The following ADCY1 variants were observed in gnomAD, a reference collection of about 807,000 sequenced individuals.
ADCY1 encodes adenylate cyclase type 1.
Under a neutral mutation model 105.4 loss-of-function variants are expected in ADCY1, and 28 were observed. The observed-to-expected ratio is 0.27, with a 90% CI of 0.20 to 0.36. The LOEUF is 0.36. ADCY1 is among the 10% of genes least tolerant of loss of function. The probability of loss-of-function intolerance (pLI) is 1.00; values close to 1 mark genes in which losing one functional copy is unlikely to be tolerated. For synonymous variants in ADCY1, 655 were observed against 623.8 expected, an observed-to-expected ratio of 1.05 and a Z score of -0.75; for missense variants, 977 against 1,434.2, an observed-to-expected ratio of 0.68 and a Z score of 5.15.
In ADCY1 at chr7:45,703,259, G is replaced by T. The variant is rs1785036375; in HGVS notation, c.2455-117G>T. The T allele has an allele frequency of 5.5e-6, 5 of 905,666 alleles. No homozygotes were observed. Among genetic ancestry groups the T allele is most frequent in the Non-Finnish European group, 9.1e-6 (5 of 547,972 alleles). 56.1% of individuals were successfully genotyped at this position (905,666 alleles called of 1,614,324 possible). ...AGTGGGGAGGAGGGACAGGAGCGTGGATGTAGACCATCAGCACACCTGGAG... is the reference window on the plus strand; with the variant it reads ...AGTGGGGAGGAGGGACAGGAGCGTGTATGTAGACCATCAGCACACCTGGAG... On this transcript the variant is annotated intron_variant, in intron 14 of 19. Transcript: ENST00000297323. This position sits in a 1 kb window ranked among gnomAD's most constrained non-coding sequence, Gnocchi z 5.9.
At chr7:45,585,439 C>CTTT (rs56193100) in intron 1 of ADCY1, among the ~76,000 whole-genome samples, 5 of 121,110 alleles carry the variant, frequency 4.1e-5, no homozygotes, top group Non-Finnish European at 6.8e-5. Context: ...GTGGGTACAT[C>CTTT]TTTTTTTTTT....
Position 45,719,938 on chromosome 7 carries a change from C to T in ADCY1, c.*5943C>T, listed in dbSNP as rs1785437681. The T allele has an allele frequency of 6.6e-6, 1 of 152,048 alleles. No homozygotes were observed. The allele number at this position is 152,048 out of a possible 1,614,324, so 9.4% of individuals were successfully genotyped here. On this transcript the variant is annotated 3_prime_UTR_variant, in exon 20 of 20. Transcript: ENST00000297323. Reference sequence around the variant, plus strand: ...GCACTGAAGTCCAGGGGCATTGAGGCACTAACTAGGTTCCATTTTCTTTGG... The same window carrying T: ...GCACTGAAGTCCAGGGGCATTGAGGTACTAACTAGGTTCCATTTTCTTTGG...
chr7:45,621,563 A>G (rs1793888230), intron 3 of ADCY1, among the ~76,000 whole-genome samples: 1 of 152,238 alleles, frequency 6.6e-6, no homozygotes, highest in African/African-American at 2.4e-5. Flanking sequence ...TTCCCATTTT[A>G]CATGGCGGAC....
chr7:45,575,047 G>C lies in ADCY1; in HGVS notation c.504G>C (p.Leu168Phe). ...AACAAGGGGTTTGGCAGCTCCTTTT[G>C]GTCACCTTCGTGTCCTATGCCTTGC... The part of the protein sequence containing the change: ...TAEQGVWQLL[L>F]VTFVSYALLP... Residue 168 changes from leucine (L) to phenylalanine (F), a missense_variant, in exon 1 of 20, where the codon TTG (leucine) becomes TTC (phenylalanine). Coordinates refer to ENST00000297323, the MANE Select transcript of ADCY1 (RefSeq NM_021116.4). The surrounding 1 kb of genome is among the most constrained non-coding windows in gnomAD (Gnocchi z 4.7). The C allele has an allele frequency of 1.9e-6, 3 of 1,612,682 alleles. No homozygotes were observed. Among genetic ancestry groups the C allele is most frequent in the South Asian group, 2.2e-5 (2 of 91,050 alleles).
intron 7 of ADCY1, 63 bp from the exon 8 acceptor site, chr7:45,661,996 G>A: frequency 1.3e-6 from 2 of 1,561,578 alleles, no homozygotes; most frequent in South Asian, 2.4e-5. Flanking sequence ...GGCATTCCCA[G>A]TCCGAGAGGC....
intron 3 of ADCY1, among the ~76,000 whole-genome samples, chr7:45,620,287 A>G (rs1793855619): frequency 6.6e-6 from 1 of 152,222 alleles, no homozygotes; most frequent in Non-Finnish European, 1.5e-5. Flanking sequence ...GAAGCTGTAG[A>G]TATCTGCTGT....
At chr7:45,590,600 G>A (rs1331625176) in intron 1 of ADCY1, among the ~76,000 whole-genome samples, 1 of 152,246 alleles carries the variant, frequency 6.6e-6, no homozygotes, top group Non-Finnish European at 1.5e-5. Flanking sequence ...GAAAAAGCCG[G>A]ATCTGAGTGG....
chr7:45,623,507 G>A (rs947854698), intron 4 of ADCY1, among the ~76,000 whole-genome samples: 10 of 152,146 alleles, frequency 6.6e-5, no homozygotes, highest in South Asian at 2.1e-4. Context: ...AGGACATGTC[G>A]GGCTGGGATC....
In ADCY1 at chr7:45,591,164, A is replaced by C. The variant is rs1022279128; in HGVS notation, c.640-1595A>C. Among the ~76,000 whole-genome samples, 1 of 152,082 alleles carries C rather than the reference A, an allele frequency of 6.6e-6. No individual in the cohort carries two copies. The highest frequency in any genetic ancestry group is 6.5e-5 in the Admixed American group (1 of 15,268). On this transcript the variant is annotated intron_variant, in intron 1 of 19. Coordinates refer to ENST00000297323, the MANE Select transcript of ADCY1 (RefSeq NM_021116.4). This position sits in a 1 kb window ranked among gnomAD's most constrained non-coding sequence, Gnocchi z 4.1. ...GGCTATGTCATACACCTCAGGTTTG[A>C]AGGTGCTCCAAATCTGTCCTCTCCC...
At chr7:45,599,104 A>G (rs1399574430) in intron 2 of ADCY1, among the ~76,000 whole-genome samples, 1 of 152,088 alleles carries the variant, frequency 6.6e-6, no homozygotes, top group Non-Finnish European at 1.5e-5. Flanking sequence ...CATTGCCAGG[A>G]CACCTGTGCA....
In ADCY1 at chr7:45,717,182, A is replaced by G. The variant is rs941072982; in HGVS notation, c.*3187A>G. On this transcript the variant is annotated 3_prime_UTR_variant, in exon 20 of 20. Coordinates refer to ENST00000297323, the MANE Select transcript of ADCY1 (RefSeq NM_021116.4). Reference sequence around the variant, plus strand: ...CCTGGAAGCTGCCCAAGGTGTGGCCACTTGTAGGGCAGTGAGAGGAAGCCG... The same window carrying G: ...CCTGGAAGCTGCCCAAGGTGTGGCCGCTTGTAGGGCAGTGAGAGGAAGCCG... 1 of 152,162 alleles carries G rather than the reference A, an allele frequency of 6.6e-6. No homozygotes were observed. The highest frequency in any genetic ancestry group is 2.4e-5 in the African/African-American group (1 of 41,412). 9.4% of individuals were successfully genotyped at this position (152,162 alleles called of 1,614,324 possible).
intron 14 of ADCY1, among the ~76,000 whole-genome samples, chr7:45,692,608 G>A (rs1339857355): frequency 5.3e-5 from 8 of 152,134 alleles, no homozygotes; most frequent in Admixed American, 4.6e-4. Context: ...TGTTTTTATT[G>A]TTATTTTAAA....
In ADCY1 at chr7:45,704,647, G is replaced by A. The variant is rs745535931; in HGVS notation, c.2817+31G>A. The A allele has an allele frequency of 4.4e-6, 7 of 1,580,502 alleles. No homozygotes were observed. In the African/African-American group the frequency reaches 5.4e-5, roughly 12 times the overall value. On this transcript the variant is annotated intron_variant, in intron 17 of 19. Coordinates refer to ENST00000297323, the MANE Select transcript of ADCY1 (RefSeq NM_021116.4). Reference sequence around the variant, plus strand: ...TGCAGCCTGGCGCTGCCTGCTTGGGGACTGGGTCCAAGCTCTGCCCTAAAC... The same window carrying A: ...TGCAGCCTGGCGCTGCCTGCTTGGGAACTGGGTCCAAGCTCTGCCCTAAAC...
At chr7:45,669,572 G>A (rs1238306314) in intron 8 of ADCY1, among the ~76,000 whole-genome samples, 1 of 152,166 alleles carries the variant, frequency 6.6e-6, no homozygotes, top group Non-Finnish European at 1.5e-5. Flanking sequence ...TTTTGGAATA[G>A]GTGTGGTGTG....
At position 45,592,862 on chromosome 7, in the gene ADCY1, G is replaced by A; in HGVS notation, c.743G>A (p.Ser248Asn). The A allele has an allele frequency of 6.2e-7, 1 of 1,614,254 alleles. No individual in the cohort carries two copies. Among genetic ancestry groups the A allele is most frequent in the Non-Finnish European group, 8.5e-7 (1 of 1,180,054 alleles). ...SQRKAFLQAR[S>N]CIEDRLRLED... ...AGGAAGGCGTTCCTGCAGGCCCGGAGCTGCATTGAGGACCGACTGAGGCTG... is the reference window on the plus strand; with the variant it reads ...AGGAAGGCGTTCCTGCAGGCCCGGAACTGCATTGAGGACCGACTGAGGCTG... Residue 248 changes from serine to asparagine, a missense_variant, in exon 2 of 20, where the codon AGC (serine) becomes AAC (asparagine). Physicochemically the swap from Ser to Asn is conservative, Grantham distance 46 (BLOSUM62 1). Transcript: ENST00000297323.
intron 3 of ADCY1, among the ~76,000 whole-genome samples, chr7:45,610,776 G>GAGGTGATAGTGGAAA (rs1793530102): frequency 6.8e-6 from 1 of 146,652 alleles, no homozygotes; most frequent in Non-Finnish European, 1.5e-5. Context: ...GATAGTGGAG[G>GAGGTGATAGTGGAAA]TGTGGGGGTG....
At chr7:45,711,644 T>TATATACACAC (rs1189707139) in intron 19 of ADCY1, among the ~76,000 whole-genome samples, 28 of 51,458 alleles carry the variant, frequency 5.4e-4, no homozygotes, top group South Asian at 8.2e-4. Context: ...TATATATATA[T>TATATACACAC]ACACACACAC....
chr7:45,698,053 C>T (rs1373579007), intron 14 of ADCY1, among the ~76,000 whole-genome samples: 1 of 152,156 alleles, frequency 6.6e-6, no homozygotes, highest in Admixed American at 6.5e-5. Context: ...ATCATGAGGG[C>T]TGTGGTCTGC....
At position 45,722,983 on chromosome 7, in the gene ADCY1, T is replaced by C. The variant is rs1025000823; in HGVS notation, c.*8988T>C. ...TGAATAATTTGTCCTATTTTTATTTTAAAAAAAGTGAATGGACTGAAATGT... is the reference window on the plus strand; with the variant it reads ...TGAATAATTTGTCCTATTTTTATTTCAAAAAAAGTGAATGGACTGAAATGT... On this transcript the variant is annotated 3_prime_UTR_variant, in exon 20 of 20. Transcript: ENST00000297323. 4 of 152,604 alleles carry C rather than the reference T, an allele frequency of 2.6e-5. No homozygotes were observed. Among genetic ancestry groups the C allele is most frequent in the African/African-American group, 9.7e-5 (4 of 41,450 alleles). 9.5% of individuals were successfully genotyped at this position (152,604 alleles called of 1,614,324 possible).
Sources: allele counts gnomAD v4.1 joint callset (sites outside exome capture counted in the v4.1 genomes callset), GRCh38; gene constraint gnomAD v4.1.1; non-coding constraint Gnocchi (gnomAD v3.1); transcripts MANE v1.5; gene names NCBI Gene and HGNC (gene_info 2026-07-23, HGNC 2026-07-21).